MGAM2: variants seen among roughly 807,000 people sequenced by gnomAD.
MGAM2 encodes probable maltase-glucoamylase 2.
MGAM2 carries 98 observed loss-of-function variants against 96.1 expected under a neutral mutation model. The ratio of observed to expected loss-of-function variants is 1.02; its 90% CI spans 0.87 to 1.21. The LOEUF (loss-of-function observed/expected upper bound fraction) is 1.21. Among genes scored for constraint, MGAM2 ranks in the 50% most tolerant of loss-of-function variants. The probability of loss-of-function intolerance (pLI) is 0.00; values close to 1 mark genes in which losing one functional copy is unlikely to be tolerated. For missense variants in MGAM2, 2,055 were observed against 1,182.4 expected (o/e 1.74, Z -10.82); for synonymous variants, 749 against 414.8 (o/e 1.81, Z -9.79).
At chr7:142,196,953 A>G in intron 40 of MGAM2, 137 bp downstream of exon 40, 1 of 610,466 alleles carries the variant, frequency 1.6e-6, no homozygotes, top group East Asian at 2.8e-5. Flanking sequence ...GAAAATCCAC[A>G]GAGTTCAGAA....
At chr7:142,191,918 T>C (rs1312622122) in intron 37 of MGAM2, among the ~76,000 whole-genome samples, 5 of 152,186 alleles carry the variant, frequency 3.3e-5, no homozygotes, top group African/African-American at 9.7e-5. Context: ...TTAATGTATA[T>C]GTTTTTGGCC....
chr7:142,114,164 A>AAGAAAGAAAGAG (rs1817288136), intron 1 of MGAM2, among the ~76,000 whole-genome samples: 1 of 105,500 alleles, frequency 9.5e-6, no homozygotes, highest in Non-Finnish European at 1.7e-5. Flanking sequence ...GAAAGAAAGA[A>AAGAAAGAAAGAG]AGAAAGAAAG....
At position 142,114,201 on chromosome 7, in the gene MGAM2, A is replaced by AGAAAGAAAGAAG. The variant is rs1746653671; in HGVS notation, c.-1+2405_-1+2406insGGAAAGAAAGAA. On this transcript the variant is annotated intron_variant, in intron 1 of 47. Transcript: ENST00000477922. The stretch of plus-strand genomic sequence containing the variant: ...AAGAAAGAAAGAAAGAAAGAAAGAA[A>AGAAAGAAAGAAG]GAAAGAAAGAAAGAGAGAAAGAAAG... 1.6e-5 allele frequency among the ~76,000 whole-genome samples: 2 copies of AGAAAGAAAGAAG among 128,410 alleles called. 1 individual carries two copies. Among genetic ancestry groups the AGAAAGAAAGAAG allele is most frequent in the African/African-American group, 6.4e-5 (2 of 31,314 alleles). The allele number at this position is 128,410 out of a possible 152,430, so 84.2% of individuals were successfully genotyped here.
At chr7:142,153,204 G>A (rs1193756714) in intron 15 of MGAM2, among the ~76,000 whole-genome samples, 1 of 152,068 alleles carries the variant, frequency 6.6e-6, no homozygotes, top group Non-Finnish European at 1.5e-5. Flanking sequence ...GTTTCACCAT[G>A]TTGGCCAGGT....
In MGAM2 at chr7:142,196,732, T is replaced by G. The variant is rs773725022; in HGVS notation, c.4548T>G (p.Asp1516Glu). The change falls in exon 40 of 48, where the codon GAT becomes GAG. Residue 1516 changes from aspartate to glutamate, a missense_variant. Asp to Glu is a conservative substitution (Grantham distance 45). Coordinates refer to ENST00000477922, the MANE Select transcript of MGAM2 (RefSeq NM_001293626.2). ...CAGATATCTGTGGGTTCTTTGGAGA[T>G]GCTGAATATGAGATGTGTGTTCGCT... ...TGADICGFFG[D>E]AEYEMCVRWM... 2 of 790,368 alleles carry G rather than the reference T, an allele frequency of 2.5e-6. No homozygotes were observed. Among genetic ancestry groups the G allele is most frequent in the South Asian group, 2.7e-5 (2 of 74,740 alleles). 49.0% of individuals were successfully genotyped at this position (790,368 alleles called of 1,614,324 possible).
At position 142,154,745 on chromosome 7, in the gene MGAM2, G is replaced by C. The variant is rs1280740570; in HGVS notation, c.1823G>C (p.Cys608Ser). 1 of 703,116 alleles carries C rather than the reference G, an allele frequency of 1.4e-6. No individual in the cohort carries two copies. The highest frequency in any genetic ancestry group is 2.6e-6 in the Non-Finnish European group (1 of 385,018). The allele number at this position is 703,116 out of a possible 1,614,324, so 43.6% of individuals were successfully genotyped here. A position where few individuals can be genotyped will look rare whatever the true frequency, so the allele number is the denominator to read the frequency against. ...FGIPMVGANICGYNNNVTEEL... is the reference protein window; with the variant it reads ...FGIPMVGANISGYNNNVTEEL... ...ATTCTCCAGGTAGGTGCCAACATCT[G>C]TGGTTATAACAACAATGTCACAGAG... The change falls in exon 17 of 48, where the codon TGT (cysteine) becomes TCT (serine). Residue 608 changes from cysteine (C) to serine (S), a missense_variant. Physicochemically the swap from Cys to Ser is moderately radical, Grantham distance 112. Coordinates refer to ENST00000477922, the MANE Select transcript of MGAM2 (RefSeq NM_001293626.2).
chr7:142,182,323 G>C (rs1796569598), intron 32 of MGAM2, among the ~76,000 whole-genome samples: 1 of 152,194 alleles, frequency 6.6e-6, no homozygotes, highest in Admixed American at 6.5e-5. Flanking sequence ...AGGCTGTGCT[G>C]TGTGCATTCT....
chr7:142,209,353 G>A (rs1797508771), intron 46 of MGAM2, among the ~76,000 whole-genome samples: 1 of 152,182 alleles, frequency 6.6e-6, no homozygotes, highest in Non-Finnish European at 1.5e-5. Context: ...GGGACAGAAT[G>A]CCTCAACTGG....
At chr7:142,146,148 T>G (rs1036765682) in intron 14 of MGAM2, among the ~76,000 whole-genome samples, 12 of 150,048 alleles carry the variant, frequency 8.0e-5, no homozygotes, top group African/African-American at 2.4e-4. Flanking sequence ...TCATGTTTTT[T>G]TTTTTTTTTT....
chr7:142,165,822 G>A (rs190074351), intron 24 of MGAM2, among the ~76,000 whole-genome samples: 3 of 152,288 alleles, frequency 2.0e-5, no homozygotes, highest in East Asian at 1.9e-4. Flanking sequence ...AAATTGGTAA[G>A]CATCACACCC....
Position 142,220,622 on chromosome 7 carries a change from TG to T in MGAM2, c.6112del (p.Val2038PhefsTer55). On this transcript the variant is annotated frameshift_variant, in exon 48 of 48. Transcript: ENST00000477922. LOFTEE classifies it low-confidence loss of function (END_TRUNC). ...STIGVTTGTT[V>X]PDTTAPFPTS... is the part of the protein sequence containing the mutation. ...CTATTGGTGTTACAACTGGTACTAC[TG>T]TTCCTGATACAACTGCTCCTTTCCC... 1.4e-6 allele frequency: 1 copy of T among 702,442 alleles called. No homozygotes were observed. The allele number at this position is 702,442 out of a possible 1,614,324, so 43.5% of individuals were successfully genotyped here.
intron 46 of MGAM2, among the ~76,000 whole-genome samples, chr7:142,215,397 T>G (rs1797725429): frequency 6.6e-6 from 1 of 151,734 alleles, no homozygotes; most frequent in Admixed American, 6.6e-5. Flanking sequence ...CCATGGCACA[T>G]GTATACCTAT....
At chr7:142,165,852 C>T (rs982668956) in intron 24 of MGAM2, among the ~76,000 whole-genome samples, 1 of 152,178 alleles carries the variant, frequency 6.6e-6, no homozygotes, top group Non-Finnish European at 1.5e-5. Context: ...TAAGCCTAAC[C>T]ATGACAGTCC....
At chr7:142,172,629 C>A in intron 29 of MGAM2, 23 bp from the exon 30 acceptor site, 1 of 687,268 alleles carries the variant, frequency 1.5e-6, no homozygotes, top group Non-Finnish European at 2.6e-6. Context: ...GGATGTGCCT[C>A]ATGTGTGTTG....
intron 27 of MGAM2, among the ~76,000 whole-genome samples, 171 bp downstream of exon 27, chr7:142,170,400 C>T (rs758752990): frequency 3.0e-4 from 46 of 152,112 alleles, no homozygotes; most frequent in Non-Finnish European, 4.9e-4. Flanking sequence ...TTTGGTTAGT[C>T]ATTAACAAAA....
intron 46 of MGAM2, among the ~76,000 whole-genome samples, chr7:142,217,868 G>C (rs917349001): frequency 6.6e-6 from 1 of 152,104 alleles, no homozygotes; most frequent in Non-Finnish European, 1.5e-5. Context: ...GGAGGATCAC[G>C]TGGTCAGGGA....
chr7:142,170,115 C>T lies in MGAM2; in HGVS notation c.3068C>T (p.Pro1023Leu), dbSNP rs1796145282. 1 of 702,692 alleles carries T rather than the reference C, an allele frequency of 1.4e-6. No individual in the cohort carries two copies. Among genetic ancestry groups the T allele is most frequent in the African/African-American group, 1.7e-5 (1 of 57,202 alleles). The allele number at this position is 702,692 out of a possible 1,614,324, so 43.5% of individuals were successfully genotyped here. The change falls in exon 27 of 48, where the codon CCA becomes CTA. Residue 1023 changes from proline to leucine, a missense_variant. Coordinates refer to ENST00000477922, the MANE Select transcript of MGAM2 (RefSeq NM_001293626.2). ...PTNKRYEVPV[P>L]LNTPPQPVGD... ...AATAAAAGGTATGAGGTTCCAGTAC[C>T]ACTGAACACCCCTCCCCAACCAGTT... is the stretch of plus-strand genomic sequence containing the variant.
chr7:142,138,752 G>A (rs1795131976), intron 10 of MGAM2, 85 bp downstream of exon 10: 1 of 635,640 alleles, frequency 1.6e-6, no homozygotes, highest in African/African-American at 1.8e-5. Flanking sequence ...TAGGAAAAAT[G>A]TAGATAAATC....
chr7:142,190,267 CTTTTTTTTTT>C (rs58228482), intron 37 of MGAM2, among the ~76,000 whole-genome samples: 2 of 104,242 alleles, frequency 1.9e-5, no homozygotes, highest in African/African-American at 3.9e-5. Flanking sequence ...TACCATTTTA[CTTTTTTTTTT>C]TTTTTTTTTT....
Sources: allele counts gnomAD v4.1 joint callset (sites outside exome capture counted in the v4.1 genomes callset), GRCh38; gene constraint gnomAD v4.1.1; transcripts MANE v1.5; gene names NCBI Gene and HGNC (gene_info 2026-07-23, HGNC 2026-07-21).